PUM2: variants seen among roughly 807,000 people sequenced by gnomAD.
PUM2 encodes the protein pumilio homolog 2.
PUM2 carries 57 observed loss-of-function variants against 124.5 expected under a neutral mutation model. That is an observed-to-expected ratio of 0.46 (90% CI 0.37 to 0.57). The LOEUF (loss-of-function observed/expected upper bound fraction) is 0.57. Among genes scored for constraint, PUM2 ranks in the 20% least tolerant of loss-of-function variants. The pLI is 0.00. For synonymous variants in PUM2, 460 were observed against 446.1 expected (o/e 1.03, Z -0.39); for missense variants, 1,065 against 1,290.6 (o/e 0.83, Z 2.68).
At position 20,308,215 on chromosome 2, in the gene PUM2, C is replaced by A. The variant is rs1173290527; in HGVS notation, c.789+99G>T. 5 of 1,487,984 alleles carry A rather than the reference C, an allele frequency of 3.4e-6. No individual in the cohort carries two copies. The South Asian group carries it at 6.5e-5, about 19-fold the overall frequency. The allele number at this position is 1,487,984 out of a possible 1,614,324, so 92.2% of individuals were successfully genotyped here. A position where few individuals can be genotyped will look rare whatever the true frequency, so the allele number is the denominator to read the frequency against. On this transcript the variant is annotated intron_variant, in intron 6 of 20. Coordinates refer to ENST00000361078, the MANE Select transcript of PUM2 (RefSeq NM_015317.5). Reference sequence around the variant, plus strand: ...ACTTTAATCAATAAAACATTTAGTACTCAAAAACCCCTACCATTCTTTTCA... The same window carrying A: ...ACTTTAATCAATAAAACATTTAGTAATCAAAAACCCCTACCATTCTTTTCA...
At chr2:20,342,691 TAAGA>T (rs1687462491) in intron 1 of PUM2, among the ~76,000 whole-genome samples, 1 of 152,212 alleles carries the variant, frequency 6.6e-6, no homozygotes, top group Non-Finnish European at 1.5e-5. Context: ...ATGAATAGTC[TAAGA>T]AATATATATG....
At chr2:20,285,392 G>C (rs966808612) in intron 10 of PUM2, among the ~76,000 whole-genome samples, 2 of 152,068 alleles carry the variant, frequency 1.3e-5, no homozygotes, top group Non-Finnish European at 1.5e-5. Flanking sequence ...CCTTCCAAAG[G>C]GTTTGAAATG....
At position 20,308,031 on chromosome 2, in the gene PUM2, G is replaced by T. The variant is rs1296343567; in HGVS notation, c.830C>A (p.Thr277Asn). 3.7e-6 allele frequency: 6 copies of T among 1,613,266 alleles called. No individual in the cohort carries two copies. The highest frequency in any genetic ancestry group is 5.1e-6 in the Non-Finnish European group (6 of 1,179,236). Residue 277 changes from threonine to asparagine, a missense_variant, in exon 7 of 21, where the codon ACT becomes AAT. Coordinates refer to ENST00000361078, the MANE Select transcript of PUM2 (RefSeq NM_015317.5). ...TGCATATTGCTGCTGTTGAGCTGCA[G>T]TTAACTGTTGAACTGTTAGTGCATT... ...RTNALTVQQL[T>N]AAQQQQYALA...
intron 9 of PUM2, 63 bp from the exon 10 acceptor site, chr2:20,290,853 G>T: frequency 7.9e-7 from 1 of 1,260,480 alleles, no homozygotes; most frequent in South Asian, 1.8e-5. Context: ...AATTTATCTT[G>T]GACAACTGTG....
At chr2:20,346,688 T>C (rs574000362) in intron 1 of PUM2, among the ~76,000 whole-genome samples, 1 of 152,332 alleles carries the variant, frequency 6.6e-6, no homozygotes, top group South Asian at 2.1e-4. Flanking sequence ...TTAGTGTATT[T>C]TTCCCCAGAA....
In PUM2 at chr2:20,258,930, G is replaced by T. The variant is rs975867986; in HGVS notation, c.2356-559C>A. Reference sequence around the variant, plus strand: ...GATCCACCCGCCTCGGCCTCCCAAAGTGCTGGGATTACAGGCGTGAGCCAC... The same window carrying T: ...GATCCACCCGCCTCGGCCTCCCAAATTGCTGGGATTACAGGCGTGAGCCAC... On this transcript the variant is annotated intron_variant, in intron 15 of 20. Coordinates refer to ENST00000361078, the MANE Select transcript of PUM2 (RefSeq NM_015317.5). Among the ~76,000 whole-genome samples, 6 of 150,756 alleles carry T rather than the reference G, an allele frequency of 4.0e-5. No homozygotes were observed. In the South Asian group the frequency reaches 1.0e-3, roughly 26 times the overall value.
intron 7 of PUM2, among the ~76,000 whole-genome samples, chr2:20,305,471 A>G (rs1678019625): frequency 6.7e-6 from 1 of 148,918 alleles, no homozygotes; most frequent in African/African-American, 2.4e-5. Context: ...TCGAAAAAAA[A>G]AAAAAAAAAA....
intron 15 of PUM2, among the ~76,000 whole-genome samples, chr2:20,259,819 G>A (rs1479825125): frequency 6.6e-6 from 1 of 152,100 alleles, no homozygotes; most frequent in Non-Finnish European, 1.5e-5. Context: ...GGATTGTGTG[G>A]TGATTCAATA....
intron 1 of PUM2, among the ~76,000 whole-genome samples, chr2:20,348,813 CAG>C (rs1231108805): frequency 6.6e-6 from 1 of 152,184 alleles, no homozygotes; most frequent in Non-Finnish European, 1.5e-5. Context: ...CCCCCAGCTA[CAG>C]TTACTCGGAA....
At chr2:20,343,724 G>C (rs1245903736) in intron 1 of PUM2, among the ~76,000 whole-genome samples, 1 of 152,142 alleles carries the variant, frequency 6.6e-6, no homozygotes, top group African/African-American at 2.4e-5. Context: ...CAACAAATTC[G>C]AGACTAGCCA....
intron 3 of PUM2, among the ~76,000 whole-genome samples, chr2:20,317,141 G>A (rs952516666): frequency 3.9e-5 from 6 of 151,906 alleles, no homozygotes; most frequent in Admixed American, 1.3e-4. Context: ...AGACTGCAGC[G>A]AGCTAAGATC....
chr2:20,269,718 T>C (rs909129381), intron 13 of PUM2, among the ~76,000 whole-genome samples: 1 of 152,186 alleles, frequency 6.6e-6, no homozygotes. Flanking sequence ...ACAAGCCAAG[T>C]GTTCTAAAAT....
intron 1 of PUM2, among the ~76,000 whole-genome samples, chr2:20,334,938 T>C (rs1685676393): frequency 6.6e-6 from 1 of 152,134 alleles, no homozygotes; most frequent in South Asian, 2.1e-4. Context: ...TCCGTAATCA[T>C]CCTCCTTGGA....
At chr2:20,323,455 A>C (rs1682874277) in intron 2 of PUM2, among the ~76,000 whole-genome samples, 1 of 151,944 alleles carries the variant, frequency 6.6e-6, no homozygotes. Context: ...CTCAAAAAAA[A>C]AAAAAAAAAA....
At chr2:20,299,059 T>C (rs1676336584) in intron 7 of PUM2, among the ~76,000 whole-genome samples, 1 of 151,974 alleles carries the variant, frequency 6.6e-6, no homozygotes, top group Non-Finnish European at 1.5e-5. Flanking sequence ...AATAAACCAG[T>C]AAAAGTAAGT....
intron 10 of PUM2, among the ~76,000 whole-genome samples, chr2:20,285,819 A>C (rs562877120): frequency 9.2e-5 from 14 of 152,318 alleles, no homozygotes; most frequent in African/African-American, 2.9e-4. Context: ...AAAGGAGAGA[A>C]AAATCAGACA....
intron 15 of PUM2, among the ~76,000 whole-genome samples, chr2:20,259,651 T>C (rs1665692431): frequency 6.6e-6 from 1 of 152,228 alleles, no homozygotes. Context: ...CTATAATGTA[T>C]ACATATACCA....
chr2:20,337,878 T>C (rs1359222100), intron 1 of PUM2, among the ~76,000 whole-genome samples: 3 of 152,204 alleles, frequency 2.0e-5, no homozygotes, highest in Non-Finnish European at 2.9e-5. Context: ...CACCCCATTT[T>C]ATGCCACAGA....
At chr2:20,310,903 A>C (rs996795918) in intron 5 of PUM2, among the ~76,000 whole-genome samples, 3 of 152,228 alleles carry the variant, frequency 2.0e-5, no homozygotes, top group Middle Eastern at 3.4e-3. Context: ...AACTGCCATA[A>C]AAAGACAACA....
Sources: allele counts gnomAD v4.1 joint callset (sites outside exome capture counted in the v4.1 genomes callset), GRCh38; gene constraint gnomAD v4.1.1; transcripts MANE v1.5; gene names NCBI Gene and HGNC (gene_info 2026-07-23, HGNC 2026-07-21).